EYA3: variants seen among roughly 807,000 people sequenced by gnomAD.
EYA3 encodes the protein protein phosphatase EYA3.
A neutral mutation model predicts 80.0 loss-of-function variants in EYA3; 39 were observed. That is an observed-to-expected ratio of 0.49 (90% CI 0.38 to 0.64). The LOEUF is 0.64. Among genes scored for constraint, EYA3 ranks in the 30% least tolerant of loss-of-function variants. The pLI is 0.00. For synonymous variants in EYA3, 206 were observed against 232.8 expected, an observed-to-expected ratio of 0.88 and a Z score of 1.05; for missense variants, 523 against 676.1, an observed-to-expected ratio of 0.77 and a Z score of 2.51.
chr1:28,021,439 C>A (rs1642427433), intron 7 of EYA3, among the ~76,000 whole-genome samples: 1 of 152,016 alleles, frequency 6.6e-6, no homozygotes, highest in African/African-American at 2.4e-5. Context: ...TTGTTTTCTC[C>A]CCCGCACCCC....
intron 4 of EYA3, among the ~76,000 whole-genome samples, chr1:28,040,138 T>C (rs915205916): frequency 1.3e-5 from 2 of 152,300 alleles, no homozygotes; most frequent in East Asian, 1.9e-4. Context: ...ATATCCATTA[T>C]ACTATAGAAG....
intron 1 of EYA3, among the ~76,000 whole-genome samples, chr1:28,065,318 G>T (rs1413007762): frequency 6.6e-6 from 1 of 152,052 alleles, no homozygotes; most frequent in Non-Finnish European, 1.5e-5. Context: ...CTGTCACCAG[G>T]CTGGAGTGCA....
chr1:28,088,294 G>A (rs186921102), intron 1 of EYA3, among the ~76,000 whole-genome samples: 2 of 152,312 alleles, frequency 1.3e-5, no homozygotes, highest in East Asian at 3.9e-4. Flanking sequence ...TGATGAGGCT[G>A]AGGAAAAACA....
At chr1:28,041,435 C>A (rs886930359) in intron 4 of EYA3, among the ~76,000 whole-genome samples, 3 of 151,994 alleles carry the variant, frequency 2.0e-5, no homozygotes, top group Non-Finnish European at 4.4e-5. Flanking sequence ...CGCCTGTAAT[C>A]CCAGCTACTC....
At chr1:28,057,824 G>C (rs1033197673) in intron 2 of EYA3, among the ~76,000 whole-genome samples, 170 bp downstream of exon 2, 1 of 151,864 alleles carries the variant, frequency 6.6e-6, no homozygotes, top group Non-Finnish European at 1.5e-5. Flanking sequence ...ATTTTCCTTA[G>C]ACTCCTTAGA....
At chr1:27,977,752 G>A (rs1639020904) in intron 17 of EYA3, among the ~76,000 whole-genome samples, 1 of 151,638 alleles carries the variant, frequency 6.6e-6, no homozygotes, top group Non-Finnish European at 1.5e-5. Context: ...GGAGGCTGAG[G>A]AAGGAAAATT....
At chr1:27,994,906 G>A (rs79442313) in intron 13 of EYA3, among the ~76,000 whole-genome samples, 10,218 of 151,384 alleles carry the variant, frequency 0.067, 607 homozygotes, top group East Asian at 0.25. Flanking sequence ...GAGGCTATTG[G>A]GAACTATGAT....
intron 2 of EYA3, among the ~76,000 whole-genome samples, chr1:28,050,768 G>A: frequency 6.6e-6 from 1 of 152,130 alleles, no homozygotes; most frequent in East Asian, 1.9e-4. Context: ...GGGATAGGAA[G>A]CATGTACTAA....
chr1:28,053,691 T>C (rs1644349841), intron 2 of EYA3, among the ~76,000 whole-genome samples: 2 of 152,126 alleles, frequency 1.3e-5, no homozygotes, highest in African/African-American at 2.4e-5. Flanking sequence ...TAACATAATA[T>C]GTAAAGATGA....
At chr1:28,056,759 C>G (rs975514627) in intron 2 of EYA3, among the ~76,000 whole-genome samples, 7 of 152,164 alleles carry the variant, frequency 4.6e-5, no homozygotes, top group Non-Finnish European at 8.8e-5. Context: ...TTCTCATTAC[C>G]TTAAATAGGT....
chr1:28,002,268 C>T (rs962525115), intron 11 of EYA3, among the ~76,000 whole-genome samples: 8 of 152,024 alleles, frequency 5.3e-5, no homozygotes, highest in Admixed American at 1.3e-4. Context: ...AGGCTGGTCT[C>T]GAATTCCTGG....
chr1:27,974,316 AGAGAGG>A lies in EYA3; in HGVS notation c.*144_*149del. 2 of 487,458 alleles carry A rather than the reference AGAGAGG, an allele frequency of 4.1e-6. No individual in the cohort carries two copies. Among genetic ancestry groups the A allele is most frequent in the Non-Finnish European group, 7.4e-6 (2 of 268,546 alleles). The allele number at this position is 487,458 out of a possible 1,614,324, so 30.2% of individuals were successfully genotyped here. On this transcript the variant is annotated 3_prime_UTR_variant, in exon 18 of 18. Coordinates refer to ENST00000373871, the MANE Select transcript of EYA3 (RefSeq NM_001990.4). ...GAGGGAGAGAGGAAGGGAGGGAGGG[AGAGAGG>A]GAGAGAGAGAAAGAGAGAAAGAGAG...
At chr1:28,060,791 G>A (rs1644592922) in intron 1 of EYA3, among the ~76,000 whole-genome samples, 1 of 152,126 alleles carries the variant, frequency 6.6e-6, no homozygotes, top group South Asian at 2.1e-4. Flanking sequence ...CGAGGCAGGC[G>A]GATCACAAGG....
intron 6 of EYA3, among the ~76,000 whole-genome samples, chr1:28,034,123 C>G (rs1424551548): frequency 6.6e-6 from 1 of 151,700 alleles, no homozygotes; most frequent in Non-Finnish European, 1.5e-5. Flanking sequence ...ATATAGTGAT[C>G]ATTTAAAAAA....
chr1:27,979,444 C>T (rs2148704008), intron 16 of EYA3, among the ~76,000 whole-genome samples: 1 of 152,268 alleles, frequency 6.6e-6, no homozygotes, highest in South Asian at 2.1e-4. Context: ...TACTGCATCA[C>T]TGAAATTGAC....
At chr1:28,038,465 C>CAAAAAAAA (rs1411375065) in intron 5 of EYA3, among the ~76,000 whole-genome samples, 1 of 105,880 alleles carries the variant, frequency 9.4e-6, no homozygotes, top group Non-Finnish European at 1.8e-5. Flanking sequence ...AAAAAAAAAA[C>CAAAAAAAA]CGAACACAGA....
At chr1:28,064,374 CTCTCT>C in intron 1 of EYA3, among the ~76,000 whole-genome samples, 1 of 116,042 alleles carries the variant, frequency 8.6e-6, no homozygotes, top group African/African-American at 3.2e-5. Context: ...CTCTCTCTCT[CTCTCT>C]ATATATATAT....
At chr1:28,049,216 A>C (rs966961770) in intron 2 of EYA3, among the ~76,000 whole-genome samples, 3 of 152,176 alleles carry the variant, frequency 2.0e-5, no homozygotes, top group Non-Finnish European at 4.4e-5. Context: ...TATTACATTG[A>C]CTATTTCAGA....
chr1:28,029,582 A>T (rs753369527), intron 6 of EYA3, among the ~76,000 whole-genome samples: 1 of 151,492 alleles, frequency 6.6e-6, no homozygotes. Flanking sequence ...CCTACTTTTA[A>T]AAAGAAAATC....
Sources: allele counts gnomAD v4.1 joint callset (sites outside exome capture counted in the v4.1 genomes callset), GRCh38; gene constraint gnomAD v4.1.1; transcripts MANE v1.5; gene names NCBI Gene and HGNC (gene_info 2026-07-23, HGNC 2026-07-21).